GNAQ: variants seen among roughly 807,000 people sequenced by gnomAD.
GNAQ encodes G protein subunit alpha q, also known as guanine nucleotide-binding protein G(q) subunit alpha.
A neutral mutation model predicts 43.9 loss-of-function variants in GNAQ; 8 were observed. That is an observed-to-expected ratio of 0.18 (90% CI 0.11 to 0.33). GNAQ has a LOEUF of 0.33. Ranked by LOEUF, GNAQ falls within the 10% of genes least tolerant of loss-of-function variation. The pLI is 1.00. For synonymous variants in GNAQ, 155 were observed against 170.7 expected (o/e 0.91, Z 0.71); for missense variants, 158 against 450.8 (o/e 0.35, Z 5.88).
chr9:77,878,161 T>C (rs1272604772), intron 2 of GNAQ, among the ~76,000 whole-genome samples: 1 of 152,100 alleles, frequency 6.6e-6, no homozygotes, highest in East Asian at 1.9e-4. Context: ...TGACTGCCAG[T>C]TCCCAGGAAT....
chr9:77,962,774 C>T (rs2118426617), intron 1 of GNAQ, among the ~76,000 whole-genome samples: 1 of 151,826 alleles, frequency 6.6e-6, no homozygotes, highest in Non-Finnish European at 1.5e-5. Context: ...CACCTGTAAT[C>T]CCAGCTACTC....
At chr9:77,750,637 T>C (rs1332322661) in intron 5 of GNAQ, among the ~76,000 whole-genome samples, 2 of 146,098 alleles carry the variant, frequency 1.4e-5, no homozygotes, top group Non-Finnish European at 3.0e-5. Flanking sequence ...TAACTCTTTC[T>C]TGAAGTCTTC....
At chr9:77,891,034 T>A (rs535103482) in intron 2 of GNAQ, among the ~76,000 whole-genome samples, 10 of 152,222 alleles carry the variant, frequency 6.6e-5, no homozygotes, top group Non-Finnish European at 1.5e-4. Context: ...ATTTCCATAA[T>A]CTGTTTCTTA....
chr9:77,999,805 A>G (rs1823621090), intron 1 of GNAQ, among the ~76,000 whole-genome samples: 1 of 152,210 alleles, frequency 6.6e-6, no homozygotes. Flanking sequence ...CCTGCCAAAA[A>G]TCACCAAATA....
At chr9:77,862,004 G>GT (rs2117977555) in intron 2 of GNAQ, among the ~76,000 whole-genome samples, 1 of 86,540 alleles carries the variant, frequency 1.2e-5, no homozygotes, top group Admixed American at 1.4e-4. Flanking sequence ...GACTCTGTCT[G>GT]GGGTAAAAAA....
At chr9:77,772,087 C>T (rs561176064) in intron 5 of GNAQ, among the ~76,000 whole-genome samples, 108 of 152,216 alleles carry the variant, frequency 7.1e-4, no homozygotes, top group African/African-American at 2.4e-3. Context: ...GAGCACTGTA[C>T]GGTGTAGACC....
chr9:77,770,626 C>T (rs944756245), intron 5 of GNAQ, among the ~76,000 whole-genome samples: 1 of 152,192 alleles, frequency 6.6e-6, no homozygotes, highest in Admixed American at 6.5e-5. Context: ...TCAGATGGCT[C>T]GGACTGCCCT....
At position 77,779,059 on chromosome 9, in the gene GNAQ, A is replaced by C. The variant is rs192920660; in HGVS notation, c.735+15404T>G. Among the ~76,000 whole-genome samples, 178 of 152,112 alleles carry C rather than the reference A, an allele frequency of 1.2e-3. 1 individual carries two copies. The highest frequency in any genetic ancestry group is 1.9e-4 in the Non-Finnish European group (13 of 67,854). Reference sequence around the variant, plus strand: ...ATAGCTGTATTCAACAATGCCATCAATCAATTAGATATAATGGCCAGCTGT... The same window carrying C: ...ATAGCTGTATTCAACAATGCCATCACTCAATTAGATATAATGGCCAGCTGT... On this transcript the variant is annotated intron_variant, in intron 5 of 6. Transcript: ENST00000286548.
chr9:77,909,803 A>G (rs1267579989), intron 2 of GNAQ, among the ~76,000 whole-genome samples: 1 of 152,182 alleles, frequency 6.6e-6, no homozygotes, highest in African/African-American at 2.4e-5. Context: ...AGGTGGTAAA[A>G]GTATACATTT....
chr9:77,883,658 G>A (rs966784660), intron 2 of GNAQ, among the ~76,000 whole-genome samples: 2 of 150,070 alleles, frequency 1.3e-5, no homozygotes, highest in East Asian at 1.9e-4. Flanking sequence ...CACTCTCCTC[G>A]CTTTTGGCAT....
chr9:77,863,989 A>G lies in GNAQ; in HGVS notation c.322-48219T>C, dbSNP rs188796521. Among the ~76,000 whole-genome samples the G allele has an allele frequency of 8.5e-4, 130 of 152,200 alleles. No individual in the cohort carries two copies. The Middle Eastern group carries it at 0.02, about 24-fold the overall frequency. On this transcript the variant is annotated intron_variant, in intron 2 of 6. Transcript: ENST00000286548. Reference sequence around the variant, plus strand: ...ACACAGCCAAACCACATCACTGGGTAATTTATAAAGAAAAGAGGTTTATTT... The same window carrying G: ...ACACAGCCAAACCACATCACTGGGTGATTTATAAAGAAAAGAGGTTTATTT...
At chr9:77,851,872 G>C (rs912045782) in intron 2 of GNAQ, among the ~76,000 whole-genome samples, 1 of 152,164 alleles carries the variant, frequency 6.6e-6, no homozygotes, top group Non-Finnish European at 1.5e-5. Context: ...CCACTCCTTT[G>C]ATGTATTTTT....
intron 5 of GNAQ, among the ~76,000 whole-genome samples, chr9:77,730,612 TAATTAA>T (rs1234293721): frequency 2.0e-5 from 3 of 152,230 alleles, no homozygotes; most frequent in East Asian, 1.9e-4. Flanking sequence ...ATTGCATAGA[TAATTAA>T]AATTAATAAA....
intron 2 of GNAQ, among the ~76,000 whole-genome samples, chr9:77,818,829 A>C (rs1242403404): frequency 6.6e-6 from 1 of 151,800 alleles, no homozygotes; most frequent in African/African-American, 2.4e-5. Context: ...GCAAGACCCC[A>C]TCTCTATAAA....
intron 2 of GNAQ, among the ~76,000 whole-genome samples, chr9:77,891,281 T>G (rs1828401422): frequency 6.6e-6 from 1 of 152,202 alleles, no homozygotes; most frequent in African/African-American, 2.4e-5. Flanking sequence ...CCTCTCCATC[T>G]CTTGCTCTCT....
chr9:77,865,843 G>A (rs1188447016), intron 2 of GNAQ, among the ~76,000 whole-genome samples: 1 of 152,244 alleles, frequency 6.6e-6, no homozygotes, highest in Non-Finnish European at 1.5e-5. Flanking sequence ...AGAGTTGGGT[G>A]AGGCTGATTA....
At chr9:78,013,548 T>G (rs1348990499) in intron 1 of GNAQ, among the ~76,000 whole-genome samples, 2 of 150,724 alleles carry the variant, frequency 1.3e-5, no homozygotes, top group Non-Finnish European at 3.0e-5. Flanking sequence ...ACTTTTATCA[T>G]TTTATATATC....
At chr9:77,868,040 T>C (rs187757622) in intron 2 of GNAQ, among the ~76,000 whole-genome samples, 2 of 152,350 alleles carry the variant, frequency 1.3e-5, no homozygotes, top group East Asian at 1.9e-4. Flanking sequence ...GTCAATTATA[T>C]GCATCTGTGA....
intron 2 of GNAQ, among the ~76,000 whole-genome samples, chr9:77,883,458 G>GT (rs531622228): frequency 0.024 from 3,348 of 138,682 alleles, 72 homozygotes; most frequent in African/African-American, 0.066. Context: ...AAAGGGGGTA[G>GT]TTTTTTTTTT....
Sources: gnomAD v4.1 joint callset for allele counts (sites outside exome capture counted in the v4.1 genomes callset) on GRCh38, gnomAD v4.1.1 for gene constraint, MANE v1.5 for transcripts, NCBI Gene and HGNC (gene_info 2026-07-23, HGNC 2026-07-21) for gene names.